ACYP2: variants seen among roughly 807,000 people sequenced by gnomAD.
The protein encoded by ACYP2 is acylphosphatase 2.
ACYP2 carries 12 observed loss-of-function variants against 11.2 expected under a neutral mutation model. The ratio of observed to expected loss-of-function variants is 1.08; its 90% CI spans 0.69 to 1.74. The LOEUF (loss-of-function observed/expected upper bound fraction) is 1.74, where lower values mean the gene tolerates loss of function less well. Among genes scored for constraint, ACYP2 ranks in the 40% most tolerant of loss-of-function variants. The pLI is 0.00. For missense variants in ACYP2, 134 were observed against 101.9 expected (o/e 1.31, Z -1.35); for synonymous variants, 43 against 32.2 (o/e 1.33, Z -1.13).
intron 6 of ACYP2, among the ~76,000 whole-genome samples, chr2:54,288,618 C>G (rs1689178377): frequency 6.6e-6 from 1 of 151,976 alleles, no homozygotes; most frequent in Non-Finnish European, 1.5e-5. Flanking sequence ...ATAAATTGAT[C>G]TCCTAGGAAA....
At chr2:54,250,477 TG>T (rs149150140) in intron 6 of ACYP2, among the ~76,000 whole-genome samples, 10 of 83,790 alleles carry the variant, frequency 1.2e-4, no homozygotes, top group East Asian at 6.7e-4. Context: ...GTGGGTGGGG[TG>T]GGGGGGGCGT....
chr2:53,984,772 C>A (rs1252867526), intron 2 of ACYP2, among the ~76,000 whole-genome samples: 2 of 151,638 alleles, frequency 1.3e-5, no homozygotes, highest in Non-Finnish European at 2.9e-5. Context: ...GCAAGACAAA[C>A]CAAAACAAAA....
chr2:54,038,010 C>T (rs1420578749), intron 2 of ACYP2, among the ~76,000 whole-genome samples: 1 of 152,190 alleles, frequency 6.6e-6, no homozygotes, highest in Admixed American at 6.5e-5. Context: ...CTCTCCTACA[C>T]AGTGAAATTA....
chr2:54,080,152 TAG>T (rs1677566484), intron 4 of ACYP2: 1 of 191,820 alleles, frequency 5.2e-6, no homozygotes, highest in African/African-American at 2.3e-5. Context: ...AGATATTCTT[TAG>T]AAATGTCCCT....
chr2:54,075,526 A>G (rs927887549), intron 4 of ACYP2, among the ~76,000 whole-genome samples: 3 of 151,894 alleles, frequency 2.0e-5, no homozygotes, highest in Non-Finnish European at 4.4e-5. Context: ...AAAGAAAAAA[A>G]AAAAGGGTGG....
intron 2 of ACYP2, among the ~76,000 whole-genome samples, chr2:53,987,087 A>G (rs1672072530): frequency 6.6e-6 from 1 of 152,202 alleles, no homozygotes; most frequent in South Asian, 2.1e-4. Flanking sequence ...CAGACACACA[A>G]GAGCATGTTC....
intron 6 of ACYP2, among the ~76,000 whole-genome samples, chr2:54,159,695 C>G (rs778950066): frequency 3.3e-5 from 5 of 152,068 alleles, no homozygotes; most frequent in Non-Finnish European, 7.4e-5. Flanking sequence ...GTTGGAAGCA[C>G]AGGGGTAGAG....
chr2:54,249,434 C>CA (rs55649227), intron 6 of ACYP2, among the ~76,000 whole-genome samples: 30,984 of 94,360 alleles, frequency 0.33, 3,738 homozygotes, highest in South Asian at 0.46. Context: ...GACTCCGTCT[C>CA]AAAAAAAAAA....
intron 6 of ACYP2, among the ~76,000 whole-genome samples, chr2:54,299,591 C>CAAAAAAAAAAAAAA (rs1213298753): frequency 1.3e-5 from 1 of 79,434 alleles, no homozygotes; most frequent in African/African-American, 3.7e-5. Flanking sequence ...GACTCTGTCT[C>CAAAAAAAAAAAAAA]AAAAAAAAAA....
chr2:53,995,478 T>TTTA (rs1573473682), intron 2 of ACYP2, among the ~76,000 whole-genome samples: 2 of 142,602 alleles, frequency 1.4e-5, no homozygotes, highest in African/African-American at 5.4e-5. Flanking sequence ...TTTTTATTTA[T>TTTA]TTATTTATTT....
At chr2:54,129,759 A>T (rs947764154) in intron 4 of ACYP2, among the ~76,000 whole-genome samples, 1 of 149,510 alleles carries the variant, frequency 6.7e-6, no homozygotes, top group Admixed American at 6.7e-5. Context: ...CAGAACTTTG[A>T]ATGCAGTAAA....
intron 6 of ACYP2, chr2:54,255,965 C>G: frequency 6.2e-7 from 1 of 1,614,108 alleles, no homozygotes; most frequent in Non-Finnish European, 8.5e-7. Context: ...TCTGCGGGAT[C>G]CTGGGGCGCG....
At chr2:54,160,136 G>C (rs910453536) in intron 6 of ACYP2, among the ~76,000 whole-genome samples, 2 of 152,120 alleles carry the variant, frequency 1.3e-5, no homozygotes, top group African/African-American at 4.8e-5. Flanking sequence ...AATATATAGG[G>C]GACTGGAGGT....
At chr2:54,048,465 A>G (rs1675645496) in intron 2 of ACYP2, among the ~76,000 whole-genome samples, 1 of 152,196 alleles carries the variant, frequency 6.6e-6, no homozygotes, top group African/African-American at 2.4e-5. Flanking sequence ...TAACAGCTAC[A>G]TAACAAACTT....
At chr2:54,136,205 A>AT (rs761125990) in intron 5 of ACYP2, among the ~76,000 whole-genome samples, 3 of 151,864 alleles carry the variant, frequency 2.0e-5, no homozygotes, top group Non-Finnish European at 4.4e-5. Flanking sequence ...AGCCAAGCTA[A>AT]TTTTTTTTAA....
intron 6 of ACYP2, among the ~76,000 whole-genome samples, chr2:54,260,358 T>A (rs1687725572): frequency 6.6e-6 from 1 of 152,120 alleles, no homozygotes; most frequent in South Asian, 2.1e-4. Context: ...GTGACTAGAC[T>A]GTGACCTAAA....
intron 5 of ACYP2, among the ~76,000 whole-genome samples, chr2:54,136,370 C>G (rs1376520658): frequency 6.6e-6 from 1 of 152,068 alleles, no homozygotes; most frequent in African/African-American, 2.4e-5. Context: ...TTTCCTACAA[C>G]TTAATTGTGG....
At chr2:54,205,406 T>C (rs747676080) in intron 6 of ACYP2, among the ~76,000 whole-genome samples, 1 of 152,228 alleles carries the variant, frequency 6.6e-6, no homozygotes, top group Non-Finnish European at 1.5e-5. Context: ...TACTGTTTTC[T>C]GTTCTTGTCC....
rs1289867049 is a variant in ACYP2 at position 54,089,006 on chromosome 2, A to G, written c.277+31646A>G. Among the ~76,000 whole-genome samples the G allele has an allele frequency of 2.0e-5, 3 of 152,212 alleles. No individual in the cohort carries two copies. In the East Asian group the frequency reaches 5.8e-4, roughly 29 times the overall value. ...TAGATAAGAAAGTAAGAAAGATAAGATAGTAGGAAAGATCAATAAAGTGCA... is the reference window on the plus strand; with the variant it reads ...TAGATAAGAAAGTAAGAAAGATAAGGTAGTAGGAAAGATCAATAAAGTGCA... On this transcript the variant is annotated intron_variant, in intron 4 of 6. Transcript: ENST00000607452.
Sources: gnomAD v4.1 joint callset for allele counts (sites outside exome capture counted in the v4.1 genomes callset) on GRCh38, gnomAD v4.1.1 for gene constraint, MANE v1.5 for transcripts, NCBI Gene and HGNC (gene_info 2026-07-23, HGNC 2026-07-21) for gene names.